The following PRH1 variants were observed in gnomAD, a reference collection of about 807,000 sequenced individuals.
The protein encoded by PRH1 is salivary acidic proline-rich phosphoprotein 1/2.
In PRH1, 7 loss-of-function variants were observed where a neutral mutation model predicts 7.9. The ratio of observed to expected loss-of-function variants is 0.89; its 90% confidence interval spans 0.50 to 1.67. The LOEUF is 1.67. Among genes scored for constraint, PRH1 ranks in the 40% most tolerant of loss-of-function variants. The pLI, the probability that PRH1 is intolerant of heterozygous loss-of-function variation, is 0.00. For missense variants in PRH1, 109 were observed against 223.6 expected, an observed-to-expected ratio of 0.49 and a Z score of 3.27; for synonymous variants, 45 against 80.8, an observed-to-expected ratio of 0.56 and a Z score of 2.38.
chr12:10,956,171 C>A (rs1937945649), intron 2 of PRH1, among the ~76,000 whole-genome samples: 1 of 152,040 alleles, frequency 6.6e-6, no homozygotes, highest in South Asian at 2.1e-4. Flanking sequence ...AAAAAAAACA[C>A]TCCACAAAAT....
chr12:11,031,613 C>T (rs921510716), intron 1 of PRH1, among the ~76,000 whole-genome samples: 1 of 151,996 alleles, frequency 6.6e-6, no homozygotes, highest in Non-Finnish European at 1.5e-5. Context: ...TTTGTCCCCT[C>T]CCATTTTCCT....
chr12:11,126,831 G>A (rs998991305), intron 1 of PRH1, among the ~76,000 whole-genome samples: 1 of 152,168 alleles, frequency 6.6e-6, no homozygotes, highest in African/African-American at 2.4e-5. Flanking sequence ...TCATTAAAAG[G>A]ACTCAAAGAA....
chr12:11,092,033 C>T, intron 1 of PRH1: 1 of 1,487,212 alleles, frequency 6.7e-7, no homozygotes, highest in East Asian at 2.3e-5. Context: ...AGTTGAATAC[C>T]AGTTTAATAA....
chr12:11,050,432 G>A (rs1943095658), upstream of PRH1, among the ~76,000 whole-genome samples: 3 of 152,150 alleles, frequency 2.0e-5, no homozygotes, highest in Non-Finnish European at 2.9e-5. Flanking sequence ...TGCCCTGGGT[G>A]GGCCAGGTGT....
chr12:10,908,814 T>A (rs570122150), intron 2 of PRH1: 1 of 1,613,958 alleles, frequency 6.2e-7, no homozygotes, highest in East Asian at 2.2e-5. Flanking sequence ...CCAAGTTGTG[T>A]TTCTTTCATA....
chr12:10,890,968 T>G (rs1162473509), intron 2 of PRH1, among the ~76,000 whole-genome samples: 1 of 151,770 alleles, frequency 6.6e-6, no homozygotes, highest in Non-Finnish European at 1.5e-5. Flanking sequence ...CAGAACCAAG[T>G]AGAATGGTGA....
At chr12:11,039,470 C>T (rs74184407) in intron 1 of PRH1, among the ~76,000 whole-genome samples, 2 of 152,206 alleles carry the variant, frequency 1.3e-5, no homozygotes, top group South Asian at 4.1e-4. Context: ...TGAAGTAAAA[C>T]CTGAATTCTC....
At chr12:11,035,575 T>A (rs1942402778) in intron 1 of PRH1, among the ~76,000 whole-genome samples, 1 of 152,214 alleles carries the variant, frequency 6.6e-6, no homozygotes, top group Admixed American at 6.5e-5. Context: ...AAAAAAGAGT[T>A]TTTTTAAACT....
chr12:11,048,726 C>A, upstream of PRH1: 1 of 367,648 alleles, frequency 2.7e-6, no homozygotes, highest in South Asian at 3.7e-5. Flanking sequence ...TGGTTACAGT[C>A]AAGTTTGAAA....
At chr12:11,053,444 A>T (rs1442927221) in intron 1 of PRH1, among the ~76,000 whole-genome samples, 1 of 152,192 alleles carries the variant, frequency 6.6e-6, no homozygotes, top group East Asian at 1.9e-4. Flanking sequence ...ATCTTTTTAT[A>T]GTGTTCCTTG....
In PRH1 at chr12:11,039,882, T is replaced by G. The variant is rs80069105; in HGVS notation, c.-126+7138A>C. ...ATGGATAGAAGGAATTTCTGTCCTC[T>G]AATTTCCAAAATGGAAAATTAATTA... On this transcript the variant is annotated intron_variant, in intron 1 of 3. Transcript: ENST00000539853. Among the ~76,000 whole-genome samples, 875 of 152,336 alleles carry G rather than the reference T, an allele frequency of 5.7e-3. 28 individuals are homozygous for G. The East Asian group carries it at 0.1, about 18-fold the overall frequency.
upstream of PRH1, among the ~76,000 whole-genome samples, chr12:10,886,733 C>A (rs777340016): frequency 1.3e-5 from 2 of 152,166 alleles, no homozygotes; most frequent in South Asian, 4.1e-4. Context: ...ATAACACATC[C>A]CAACATTTTC....
At chr12:10,888,330 C>T (rs1226602210), upstream of PRH1, among the ~76,000 whole-genome samples, 1 of 152,148 alleles carries the variant, frequency 6.6e-6, no homozygotes. Context: ...AAGTGTGTGA[C>T]TTTGGGAGAC....
At chr12:11,148,565 T>C (rs1450439994) in intron 1 of PRH1, among the ~76,000 whole-genome samples, 17 of 144,430 alleles carry the variant, frequency 1.2e-4, no homozygotes, top group African/African-American at 2.3e-4. Flanking sequence ...TTGTCTTTGG[T>C]TCTGTTTATA....
intron 1 of PRH1, among the ~76,000 whole-genome samples, chr12:11,044,969 G>T (rs376114464): frequency 6.6e-6 from 1 of 151,906 alleles, no homozygotes; most frequent in African/African-American, 2.4e-5. Context: ...ATACCCAAAA[G>T]AAAGGAAATA....
At chr12:10,920,182 C>T (rs1950026801) in intron 2 of PRH1, among the ~76,000 whole-genome samples, 2 of 152,008 alleles carry the variant, frequency 1.3e-5, no homozygotes, top group Non-Finnish European at 2.9e-5. Flanking sequence ...GTATGAGCCA[C>T]TAAATAAATA....
chr12:11,066,135 C>T (rs1452694393), intron 1 of PRH1, among the ~76,000 whole-genome samples: 2 of 152,062 alleles, frequency 1.3e-5, no homozygotes, highest in African/African-American at 4.8e-5. Context: ...AACTTTAAGT[C>T]TCATGGAAAC....
intron 2 of PRH1, among the ~76,000 whole-genome samples, chr12:10,901,344 C>T (rs1219452349): frequency 6.6e-6 from 1 of 152,202 alleles, no homozygotes; most frequent in Non-Finnish European, 1.5e-5. Flanking sequence ...AGGCCAATCT[C>T]TCCAATATCC....
At chr12:11,154,605 T>C (rs150421178) in intron 1 of PRH1, among the ~76,000 whole-genome samples, 12 of 152,276 alleles carry the variant, frequency 7.9e-5, no homozygotes, top group African/African-American at 2.6e-4. Flanking sequence ...GTTGTCTTAT[T>C]ATGCAGATGA....
Sources: gnomAD v4.1 joint callset for allele counts (sites outside exome capture counted in the v4.1 genomes callset) on GRCh38, gnomAD v4.1.1 for gene constraint, MANE v1.5 for transcripts, NCBI Gene and HGNC (gene_info 2026-07-23, HGNC 2026-07-21) for gene names.